Variants in TEK observed in about 807,000 individuals in gnomAD.
TEK encodes angiopoietin-1 receptor.
TEK carries 43 observed loss-of-function variants against 131.8 expected under a neutral mutation model. The observed-to-expected ratio is 0.33, with a 90% CI of 0.26 to 0.42. The LOEUF is 0.42. TEK is among the 10% of genes least tolerant of loss of function. The pLI is 1.00. For synonymous variants in TEK, 580 were observed against 491.6 expected (o/e 1.18, Z -2.38); for missense variants, 1,162 against 1,384.4 (o/e 0.84, Z 2.55).
rs1444692657 is a variant in TEK at position 27,218,927 on chromosome 9, C to G, written c.3103+110C>G. ...AGGATGCCGTTTGTATGTGGTTCTA[C>G]CAGATGTGACTTGGAAATAGAAACA... On this transcript the variant is annotated intron_variant, in intron 20 of 22. Coordinates refer to ENST00000380036, the MANE Select transcript of TEK (RefSeq NM_000459.5). 24 of 1,076,698 alleles carry G rather than the reference C, an allele frequency of 2.2e-5. 1 individual carries two copies. Among genetic ancestry groups the G allele is most frequent in the Non-Finnish European group, 2.9e-5 (20 of 696,228 alleles). 66.7% of individuals were successfully genotyped at this position (1,076,698 alleles called of 1,614,324 possible). A position where few individuals can be genotyped will look rare whatever the true frequency, so the allele number is the denominator to read the frequency against.
chr9:27,212,178 G>T (rs10812533), intron 16 of TEK, among the ~76,000 whole-genome samples: 49,273 of 151,920 alleles, frequency 0.32, 8,943 homozygotes, highest in East Asian at 0.58. Context: ...GGTGACTTAG[G>T]ATGGGTTTTG....
At chr9:27,173,959 A>G (rs545536458) in intron 6 of TEK, among the ~76,000 whole-genome samples, 2 of 151,806 alleles carry the variant, frequency 1.3e-5, no homozygotes, top group African/African-American at 4.8e-5. Context: ...CAGAGCTTTT[A>G]TGTCAGATCC....
At chr9:27,173,941 A>G (rs76022360) in intron 6 of TEK, among the ~76,000 whole-genome samples, 24 of 151,250 alleles carry the variant, frequency 1.6e-4, no homozygotes, top group South Asian at 4.2e-4. Context: ...AAAAAAAAAA[A>G]TCAAAATCAG....
chr9:27,191,843 T>A (rs1270910684), intron 10 of TEK: 1 of 426,896 alleles, frequency 2.3e-6, no homozygotes, highest in Non-Finnish European at 4.6e-6. Context: ...CAAAGTGGTC[T>A]TCTAAGAACT....
chr9:27,114,087 G>A (rs1821451879), intron 1 of TEK, among the ~76,000 whole-genome samples: 1 of 152,120 alleles, frequency 6.6e-6, no homozygotes, highest in African/African-American at 2.4e-5. Flanking sequence ...GCCAGATTTA[G>A]CCCAATTAGC....
intron 9 of TEK, among the ~76,000 whole-genome samples, chr9:27,186,668 C>G (rs533003148): frequency 4.1e-4 from 63 of 152,266 alleles, no homozygotes; most frequent in African/African-American, 1.4e-3. Flanking sequence ...CTCTTCTGGA[C>G]CATTTTGCTT....
intron 1 of TEK, among the ~76,000 whole-genome samples, chr9:27,125,938 A>T (rs541082754): frequency 3.9e-5 from 6 of 152,182 alleles, no homozygotes; most frequent in Non-Finnish European, 5.9e-5. Flanking sequence ...ACACTGAGTC[A>T]GGTACTCAGA....
chr9:27,209,242 C>A lies in TEK; in HGVS notation c.2686+11C>A, dbSNP rs758125475. On this transcript the variant is annotated intron_variant, in intron 16 of 22. Coordinates refer to ENST00000380036, the MANE Select transcript of TEK (RefSeq NM_000459.5). Reference sequence around the variant, plus strand: ...CATGTGAACATCGAGGTAAGATGCTCTTTTCCTGTCTTTCCTGCCAGAGTT... The same window carrying A: ...CATGTGAACATCGAGGTAAGATGCTATTTTCCTGTCTTTCCTGCCAGAGTT... The A allele has an allele frequency of 6.4e-7, 1 of 1,557,620 alleles. No homozygotes were observed. Among genetic ancestry groups the A allele is most frequent in the South Asian group, 1.1e-5 (1 of 89,946 alleles).
At chr9:27,120,258 A>G (rs1821731825) in intron 1 of TEK, among the ~76,000 whole-genome samples, 1 of 152,216 alleles carries the variant, frequency 6.6e-6, no homozygotes, top group African/African-American at 2.4e-5. Flanking sequence ...GCAGTTTCCA[A>G]ACATTCATGT....
chr9:27,226,794 T>C (rs1826348177), intron 21 of TEK, among the ~76,000 whole-genome samples: 2 of 152,326 alleles, frequency 1.3e-5, no homozygotes, highest in Admixed American at 6.5e-5. Context: ...AAAAGTAAGA[T>C]TTATTCCAAG....
At chr9:27,227,622 C>A (rs905695247) in intron 21 of TEK, among the ~76,000 whole-genome samples, 6 of 152,144 alleles carry the variant, frequency 3.9e-5, no homozygotes, top group Admixed American at 2.0e-4. Flanking sequence ...GGCAAAAGAG[C>A]TCTTTGAGGC....
At chr9:27,200,104 A>G (rs897109067) in intron 12 of TEK, among the ~76,000 whole-genome samples, 2 of 152,130 alleles carry the variant, frequency 1.3e-5, no homozygotes, top group African/African-American at 4.8e-5. Flanking sequence ...AATGCCACGT[A>G]TTGAGTAGTC....
intron 9 of TEK, among the ~76,000 whole-genome samples, chr9:27,188,159 C>A (rs552132943): frequency 6.6e-6 from 1 of 152,282 alleles, no homozygotes; most frequent in South Asian, 2.1e-4. Flanking sequence ...CAATACTAAT[C>A]TTCAGTCACA....
chr9:27,224,692 G>A (rs775638013), intron 21 of TEK, among the ~76,000 whole-genome samples: 5 of 152,214 alleles, frequency 3.3e-5, no homozygotes, highest in South Asian at 4.1e-4. Context: ...TTTGAAAACC[G>A]GCATAAGACA....
At chr9:27,158,861 A>G (rs985455980) in intron 2 of TEK, among the ~76,000 whole-genome samples, 13 of 152,122 alleles carry the variant, frequency 8.5e-5, no homozygotes, top group Admixed American at 2.6e-4. Flanking sequence ...GGGTGTCACC[A>G]TATTGGCCAG....
intron 1 of TEK, among the ~76,000 whole-genome samples, chr9:27,154,223 C>G (rs1823239281): frequency 6.6e-6 from 1 of 151,990 alleles, no homozygotes; most frequent in Non-Finnish European, 1.5e-5. Context: ...ACGTGCAGGT[C>G]TGTTACATAG....
chr9:27,118,116 A>T (rs1219923696), intron 1 of TEK, among the ~76,000 whole-genome samples: 1 of 152,168 alleles, frequency 6.6e-6, no homozygotes, highest in Non-Finnish European at 1.5e-5. Context: ...ACATCTGGGA[A>T]TCTGGGATGG....
chr9:27,141,581 C>T (rs950807644), intron 1 of TEK, among the ~76,000 whole-genome samples: 11 of 152,102 alleles, frequency 7.2e-5, no homozygotes, highest in Admixed American at 2.0e-4. Context: ...ATACATTTTT[C>T]AGTCTAATTC....
Position 27,172,751 on chromosome 9 carries a change from A to G in TEK, c.760+4A>G, listed in dbSNP as rs1487833348. 1 of 1,613,276 alleles carries G rather than the reference A, an allele frequency of 6.2e-7. No homozygotes were observed. Among genetic ancestry groups the G allele is most frequent in the Non-Finnish European group, 8.5e-7 (1 of 1,179,512 alleles). On this transcript the variant is annotated splice_donor_region_variant and intron_variant, in intron 5 of 22. Coordinates refer to ENST00000380036, the MANE Select transcript of TEK (RefSeq NM_000459.5). The stretch of plus-strand genomic sequence containing the variant: ...ATGGGAAGGACGTGTGAGAAGGGTA[A>G]GTAAAGAGACTTGATAAGTAAGCTG...
Sources: gnomAD v4.1 joint callset for allele counts (sites outside exome capture counted in the v4.1 genomes callset) on GRCh38, gnomAD v4.1.1 for gene constraint, MANE v1.5 for transcripts, NCBI Gene and HGNC (gene_info 2026-07-23, HGNC 2026-07-21) for gene names.